The following ZNF714 variants were observed in gnomAD, a reference collection of about 807,000 sequenced individuals.
ZNF714 encodes zinc finger protein 714.
A neutral mutation model predicts 46.2 loss-of-function variants in ZNF714; 32 were observed. The observed-to-expected ratio is 0.69, with a 90% CI of 0.52 to 0.93. ZNF714 has a LOEUF of 0.93. Ranked by LOEUF, ZNF714 falls within the 40% of genes least tolerant of loss-of-function variation. The pLI is 0.00. For synonymous variants in ZNF714, 199 were observed against 213.1 expected (o/e 0.93, Z 0.58); for missense variants, 635 against 646.3 (o/e 0.98, Z 0.19).
In ZNF714 at chr19:21,123,438, T is replaced by G. The variant is rs910982786; in HGVS notation, c.*5106T>G. On this transcript the variant is annotated 3_prime_UTR_variant, in exon 5 of 5. Coordinates refer to ENST00000456283, the MANE Select transcript of ZNF714 (RefSeq NM_182515.4). ...GGTGTGATCTTGGCTCACTGCAAGC[T>G]CCGCCTTCCGGGTTCACGCCATTCT... Among the ~76,000 whole-genome samples the G allele has an allele frequency of 1.3e-5, 2 of 152,084 alleles. No homozygotes were observed. The highest frequency in any genetic ancestry group is 2.9e-5 in the Non-Finnish European group (2 of 68,006).
chr19:21,118,428 G>A lies in ZNF714; in HGVS notation c.*96G>A, dbSNP rs1004970411. 81 of 447,658 alleles carry A rather than the reference G, an allele frequency of 1.8e-4. No individual in the cohort carries two copies. Among genetic ancestry groups the A allele is most frequent in the Non-Finnish European group, 2.8e-4 (71 of 252,752 alleles). 27.7% of individuals were successfully genotyped at this position (447,658 alleles called of 1,614,324 possible). A position where few individuals can be genotyped will look rare whatever the true frequency, so the allele number is the denominator to read the frequency against. Reference sequence around the variant, plus strand: ...GATCGCGCCATTCTACTCCAGCCTGGGCCACAAGGCAAGACTCTGTCTCAA... The same window carrying A: ...GATCGCGCCATTCTACTCCAGCCTGAGCCACAAGGCAAGACTCTGTCTCAA... On this transcript the variant is annotated 3_prime_UTR_variant, in exon 5 of 5. Coordinates refer to ENST00000456283, the MANE Select transcript of ZNF714 (RefSeq NM_182515.4).
intron 2 of ZNF714, among the ~76,000 whole-genome samples, chr19:21,084,635 CA>C (rs1226430241): frequency 6.6e-6 from 1 of 151,748 alleles, no homozygotes; most frequent in Non-Finnish European, 1.5e-5. Context: ...GAGATTTGTT[CA>C]CTTATTTTGA....
At chr19:21,085,693 C>T (rs1968760564) in intron 2 of ZNF714, among the ~76,000 whole-genome samples, 1 of 152,122 alleles carries the variant, frequency 6.6e-6, no homozygotes, top group South Asian at 2.1e-4. Flanking sequence ...CTGCAGATGT[C>T]CAGTCTGCTC....
At chr19:21,107,765 T>C (rs1041168601) in intron 4 of ZNF714, among the ~76,000 whole-genome samples, 5 of 152,194 alleles carry the variant, frequency 3.3e-5, no homozygotes, top group Admixed American at 1.3e-4. Context: ...TCAAGCAATC[T>C]TCCTGCCCAG....
Position 21,082,231 on chromosome 19 carries a change from C to G in ZNF714, c.-294C>G. On this transcript the variant is annotated 5_prime_UTR_variant, in exon 1 of 5. Coordinates refer to ENST00000456283, the MANE Select transcript of ZNF714 (RefSeq NM_182515.4). ...TCTCGCTGCAGCTGGAGCTGCAGGT[C>G]TCGCCTTCACTGCCCTGTGTCCTCT... 1.8e-6 allele frequency: 2 copies of G among 1,121,518 alleles called. No homozygotes were observed. Among genetic ancestry groups the G allele is most frequent in the Non-Finnish European group, 2.5e-6 (2 of 796,052 alleles). 69.5% of individuals were successfully genotyped at this position (1,121,518 alleles called of 1,614,324 possible).
At position 21,118,498 on chromosome 19, in the gene ZNF714, C is replaced by T. The variant is rs755906367; in HGVS notation, c.*166C>T. On this transcript the variant is annotated 3_prime_UTR_variant, in exon 5 of 5. Transcript: ENST00000456283. ...AGAAAATTCATACTGGAACGAAACCCTACAATTGTGAAGAATGTGCCAGTG... is the reference window on the plus strand; with the variant it reads ...AGAAAATTCATACTGGAACGAAACCTTACAATTGTGAAGAATGTGCCAGTG... 2 of 357,844 alleles carry T rather than the reference C, an allele frequency of 5.6e-6. No individual in the cohort carries two copies. The highest frequency in any genetic ancestry group is 5.1e-6 in the Non-Finnish European group (1 of 194,718). 22.2% of individuals were successfully genotyped at this position (357,844 alleles called of 1,614,324 possible). A position where few individuals can be genotyped will look rare whatever the true frequency, so the allele number is the denominator to read the frequency against.
rs1227921220 is a variant in ZNF714, at chr19:21,123,618, G to A, written c.*5286G>A. On this transcript the variant is annotated 3_prime_UTR_variant, in exon 5 of 5. Transcript: ENST00000456283. ...GATCCGCCCGCCTCGACCTCCCAAA[G>A]TGGTGGGATTACAGGCATGAGCCAC... is the stretch of plus-strand genomic sequence containing the variant. 1.3e-5 allele frequency among the ~76,000 whole-genome samples: 2 copies of A among 152,306 alleles called. No individual in the cohort carries two copies. Among genetic ancestry groups the A allele is most frequent in the East Asian group, 1.9e-4 (1 of 5,186 alleles).
intron 4 of ZNF714, among the ~76,000 whole-genome samples, chr19:21,108,258 A>G (rs905940107): frequency 5.9e-5 from 9 of 152,220 alleles, no homozygotes; most frequent in African/African-American, 2.2e-4. Context: ...AAGACTTGTT[A>G]TGTGTCCTAA....
intron 4 of ZNF714, among the ~76,000 whole-genome samples, chr19:21,109,469 C>T (rs564648468): frequency 2.6e-5 from 4 of 152,186 alleles, no homozygotes; most frequent in Non-Finnish European, 5.9e-5. Flanking sequence ...GATCAGATTC[C>T]TCAACCTCCA....
chr19:21,103,668 G>A (rs543255495), intron 4 of ZNF714, among the ~76,000 whole-genome samples: 1 of 152,266 alleles, frequency 6.6e-6, no homozygotes, highest in African/African-American at 2.4e-5. Flanking sequence ...CCTGGATTTT[G>A]GGAGGCCAAG....
At chr19:21,103,753 AG>A (rs766513348) in intron 4 of ZNF714, among the ~76,000 whole-genome samples, 121 of 152,080 alleles carry the variant, frequency 8.0e-4, no homozygotes, top group Non-Finnish European at 1.3e-3. Context: ...TAAAATATCC[AG>A]GCATGTTAGT....
Position 21,098,301 on chromosome 19 carries a change from G to T in ZNF714, c.33G>T (p.Leu11=). 1.2e-6 allele frequency: 2 copies of T among 1,612,094 alleles called. No individual in the cohort carries two copies. The highest frequency in any genetic ancestry group is 1.1e-5 in the South Asian group (1 of 90,482). ...TGATGTTAGAGAACTACAAAAACCT[G>T]GTCTTCTTGGGTGAGAATAACTTTA... MNVMLENYKN[L]VFLAGIAVSK... The change falls in exon 3 of 5, where the codon CTG becomes CTT. Residue 11 remains leucine, a synonymous_variant. Coordinates refer to ENST00000456283, the MANE Select transcript of ZNF714 (RefSeq NM_182515.4).
In ZNF714 at chr19:21,124,356, G is replaced by C. The variant is rs1173393854; in HGVS notation, c.*6024G>C. Among the ~76,000 whole-genome samples, 1 of 152,108 alleles carries C rather than the reference G, an allele frequency of 6.6e-6. No individual in the cohort carries two copies. Among genetic ancestry groups the C allele is most frequent in the Non-Finnish European group, 1.5e-5 (1 of 68,018 alleles). On this transcript the variant is annotated 3_prime_UTR_variant, in exon 5 of 5. Coordinates refer to ENST00000456283, the MANE Select transcript of ZNF714 (RefSeq NM_182515.4). Reference sequence around the variant, plus strand: ...TAGAACATAATATTTTGAACATGCTGTTAAATATCAGAGTTCCTATGATTA... The same window carrying C: ...TAGAACATAATATTTTGAACATGCTCTTAAATATCAGAGTTCCTATGATTA...
intron 4 of ZNF714, among the ~76,000 whole-genome samples, chr19:21,102,562 A>G (rs1218053649): frequency 6.6e-6 from 1 of 152,238 alleles, no homozygotes; most frequent in African/African-American, 2.4e-5. Context: ...TAAGAATAGC[A>G]TATATTTAAA....
chr19:21,101,108 G>C (rs1002267474), intron 4 of ZNF714, among the ~76,000 whole-genome samples: 1 of 152,016 alleles, frequency 6.6e-6, no homozygotes, highest in African/African-American at 2.4e-5. Context: ...CAATTCCAAT[G>C]GCTTTTTAAA....
At chr19:21,092,906 C>CTT (rs56845417) in intron 2 of ZNF714, among the ~76,000 whole-genome samples, 58,689 of 101,658 alleles carry the variant, frequency 0.58, 20,490 homozygotes, top group East Asian at 0.75. Context: ...ATAACTTAAA[C>CTT]TTTTTTTTTT....
At chr19:21,105,324 CT>C (rs1339258329) in intron 4 of ZNF714, among the ~76,000 whole-genome samples, 1 of 151,622 alleles carries the variant, frequency 6.6e-6, no homozygotes, top group Middle Eastern at 3.2e-3. Flanking sequence ...CCTGGCCTTA[CT>C]TTTTCATTTC....
At chr19:21,089,597 A>C (rs1338040288) in intron 2 of ZNF714, among the ~76,000 whole-genome samples, 1 of 152,224 alleles carries the variant, frequency 6.6e-6, no homozygotes, top group African/African-American at 2.4e-5. Flanking sequence ...AAGTACTATC[A>C]TGTGGTCACA....
intron 2 of ZNF714, chr19:21,090,822 G>C (rs1968890805): frequency 7.0e-6 from 1 of 143,282 alleles, no homozygotes; most frequent in African/African-American, 2.6e-5. Flanking sequence ...CATTTTTATG[G>C]TTATTTCTTG....
Sources: gnomAD v4.1 joint callset for allele counts (sites outside exome capture counted in the v4.1 genomes callset) on GRCh38, gnomAD v4.1.1 for gene constraint, MANE v1.5 for transcripts, NCBI Gene and HGNC (gene_info 2026-07-23, HGNC 2026-07-21) for gene names.